NRBF2: variants seen among roughly 807,000 people sequenced by gnomAD.
NRBF2 encodes nuclear receptor-binding factor 2.
A neutral mutation model predicts 28.5 loss-of-function variants in NRBF2; 12 were observed. The observed-to-expected ratio is 0.42, with a 90% CI of 0.27 to 0.68. NRBF2 has a LOEUF of 0.68. Ranked by LOEUF, NRBF2 falls within the 30% of genes least tolerant of loss-of-function variation. The pLI is 0.24. For synonymous variants in NRBF2, 102 were observed against 116.5 expected (o/e 0.88, Z 0.80); for missense variants, 274 against 333.5 (o/e 0.82, Z 1.39).
chr10:63,142,780 C>CTTTCTTTTTTTTT lies in NRBF2; in HGVS notation c.31-3426_31-3425insCTTTTTTTTTTTT, dbSNP rs1554821458. On this transcript the variant is annotated intron_variant, in intron 1 of 3. Transcript: ENST00000277746. ...AGTCATTTCTTTTCTTTCTTTCTTT[C>CTTTCTTTTTTTTT]TTTTTTTTTTTTTTTTTTTTGAGGC... 2.1e-4 allele frequency among the ~76,000 whole-genome samples: 16 copies of CTTTCTTTTTTTTT among 74,938 alleles called. 1 individual carries two copies. The highest frequency in any genetic ancestry group is 9.3e-4 in the African/African-American group (16 of 17,142). 49.2% of individuals were successfully genotyped at this position (74,938 alleles called of 152,430 possible).
chr10:63,135,787 C>T (rs938003331), intron 1 of NRBF2, among the ~76,000 whole-genome samples: 6 of 151,888 alleles, frequency 4.0e-5, no homozygotes, highest in African/African-American at 1.2e-4. Flanking sequence ...GCTGGGATTT[C>T]AGGCACGCGC....
intron 1 of NRBF2, among the ~76,000 whole-genome samples, chr10:63,141,175 T>C (rs750043590): frequency 6.6e-6 from 1 of 152,194 alleles, no homozygotes; most frequent in Non-Finnish European, 1.5e-5. Flanking sequence ...TGGTGGCTCA[T>C]GCCTATAATT....
At chr10:63,144,380 T>G (rs1841526799) in intron 1 of NRBF2, among the ~76,000 whole-genome samples, 1 of 152,042 alleles carries the variant, frequency 6.6e-6, no homozygotes, top group African/African-American at 2.4e-5. Context: ...GTCCTCACAG[T>G]TCATCCATGT....
chr10:63,144,205 T>C (rs1190658869), intron 1 of NRBF2, among the ~76,000 whole-genome samples: 4 of 152,188 alleles, frequency 2.6e-5, no homozygotes, highest in Non-Finnish European at 1.5e-5. Flanking sequence ...ACTGAAACTA[T>C]GCCGTTTGAA....
chr10:63,137,056 G>A (rs1325776774), intron 1 of NRBF2, among the ~76,000 whole-genome samples: 1 of 152,170 alleles, frequency 6.6e-6, no homozygotes, highest in Non-Finnish European at 1.5e-5. Context: ...GTCTTACTCT[G>A]TTGCCCACAC....
chr10:63,142,216 A>G (rs982811715), intron 1 of NRBF2, among the ~76,000 whole-genome samples: 1 of 152,180 alleles, frequency 6.6e-6, no homozygotes, highest in South Asian at 2.1e-4. Flanking sequence ...CTTAGAGTGT[A>G]TCCATAAGCC....
intron 1 of NRBF2, among the ~76,000 whole-genome samples, chr10:63,136,124 C>CTTTTTTTTTTTTTTTTTT (rs11334549): frequency 2.4e-5 from 3 of 125,006 alleles, no homozygotes; most frequent in Non-Finnish European, 1.8e-5. Flanking sequence ...AAAATTCAGA[C>CTTTTTTTTTTTTTTTTTT]TTTTTTTTTT....
intron 1 of NRBF2, among the ~76,000 whole-genome samples, chr10:63,142,657 A>G (rs894255153): frequency 6.6e-5 from 10 of 151,994 alleles, no homozygotes; most frequent in African/African-American, 2.2e-4. Context: ...AAATACCTGT[A>G]TAATTTGTGG....
intron 2 of NRBF2, among the ~76,000 whole-genome samples, chr10:63,151,885 A>G (rs1006256874): frequency 8.5e-5 from 13 of 152,118 alleles, no homozygotes; most frequent in African/African-American, 2.2e-4. Flanking sequence ...TATTTTTCTG[A>G]TTAGACCATC....
intron 2 of NRBF2, among the ~76,000 whole-genome samples, chr10:63,148,743 A>G (rs921541016): frequency 2.6e-5 from 4 of 152,158 alleles, no homozygotes; most frequent in Admixed American, 6.5e-5. Context: ...GGTAGGATCT[A>G]CTCTTGAGGT....
At chr10:63,142,800 T>TTTTTTG (rs71025115) in intron 1 of NRBF2, among the ~76,000 whole-genome samples, 2 of 138,696 alleles carry the variant, frequency 1.4e-5, no homozygotes, top group Non-Finnish European at 1.5e-5. Context: ...TTTTTTTTTT[T>TTTTTTG]GAGGCTGTCT....
chr10:63,148,054 T>G lies in NRBF2; in HGVS notation c.115+1761T>G, dbSNP rs550891871. ...GATTCCCTAGTGAAACAATACCTTA[T>G]GTAACCCAAAATGGTCATGGTTACA... On this transcript the variant is annotated intron_variant, in intron 2 of 3. Transcript: ENST00000277746. Among the ~76,000 whole-genome samples, 35 of 152,348 alleles carry G rather than the reference T, an allele frequency of 2.3e-4. No individual in the cohort carries two copies. In the South Asian group the frequency reaches 7.0e-3, roughly 31 times the overall value.
chr10:63,139,725 A>AT (rs1346936388), intron 1 of NRBF2, among the ~76,000 whole-genome samples: 9 of 152,160 alleles, frequency 5.9e-5, no homozygotes, highest in African/African-American at 2.2e-4. Flanking sequence ...CTGCAGACCT[A>AT]TATTTCCACC....
intron 1 of NRBF2, among the ~76,000 whole-genome samples, chr10:63,136,124 C>CTTTT (rs11334549): frequency 3.2e-5 from 4 of 125,006 alleles, no homozygotes; most frequent in Non-Finnish European, 7.0e-5. Context: ...AAAATTCAGA[C>CTTTT]TTTTTTTTTT....
chr10:63,136,839 C>G (rs574091602), intron 1 of NRBF2, among the ~76,000 whole-genome samples: 2 of 152,304 alleles, frequency 1.3e-5, no homozygotes, highest in Non-Finnish European at 2.9e-5. Context: ...AAATTCCTCA[C>G]AGTGAATTTT....
rs1163592823 is a variant in NRBF2 at position 63,152,175 on chromosome 10, G to A, written c.141G>A (p.Leu47=). The A allele has an allele frequency of 6.2e-7, 1 of 1,613,570 alleles. No homozygotes were observed. Among genetic ancestry groups the A allele is most frequent in the Non-Finnish European group, 8.5e-7 (1 of 1,179,722 alleles). The change falls in exon 3 of 4, where the codon CTG becomes CTA. Residue 47 remains leucine, a synonymous_variant. Transcript: ENST00000277746. ...CATATCTTTCTGAAGCCATGAAGCT[G>A]ACACAGTCAGAGCAGGTGAGACATA... is the stretch of plus-strand genomic sequence containing the variant. ...AAAYLSEAMK[L]TQSEQAHLSL...
At chr10:63,134,200 GTTTAC>G (rs2132672915) in intron 1 of NRBF2, among the ~76,000 whole-genome samples, 1 of 152,268 alleles carries the variant, frequency 6.6e-6, no homozygotes, top group East Asian at 1.9e-4. Flanking sequence ...CTGATAGCCT[GTTTAC>G]TTGTGTTTTA....
chr10:63,148,231 T>C (rs1841594627), intron 2 of NRBF2, among the ~76,000 whole-genome samples: 1 of 152,152 alleles, frequency 6.6e-6, no homozygotes, highest in Admixed American at 6.6e-5. Context: ...AGTTAACCAC[T>C]CCCCACTCCA....
chr10:63,146,439 G>T, intron 2 of NRBF2, 146 bp downstream of exon 2: 1 of 578,842 alleles, frequency 1.7e-6, no homozygotes, highest in Non-Finnish European at 3.0e-6. Flanking sequence ...AAGTGTGTTG[G>T]ATTTCCCAGC....
Sources: allele counts gnomAD v4.1 joint callset (sites outside exome capture counted in the v4.1 genomes callset), GRCh38; gene constraint gnomAD v4.1.1; transcripts MANE v1.5; gene names NCBI Gene and HGNC (gene_info 2026-07-23, HGNC 2026-07-21).